Variants in SLC16A2 observed in about 807,000 individuals in gnomAD.
SLC16A2 encodes the protein solute carrier family 16 member 2.
A neutral mutation model predicts 27.2 loss-of-function variants in SLC16A2; 3 were observed. That is an observed-to-expected ratio of 0.11 (90% CI 0.05 to 0.28). SLC16A2 has a LOEUF of 0.28. SLC16A2 is among the 10% of genes least tolerant of loss of function. The pLI is 1.00. For missense variants in SLC16A2, 295 were observed against 458.5 expected, an observed-to-expected ratio of 0.64 and a Z score of 3.26; for synonymous variants, 202 against 187.8, an observed-to-expected ratio of 1.08 and a Z score of -0.62.
intron 1 of SLC16A2, among the ~76,000 whole-genome samples, chrX:74,510,031 C>T (rs772493610): frequency 8.9e-6 from 1 of 112,268 alleles, no homozygotes; most frequent in South Asian, 3.7e-4. Context: ...GAAGTGTTTC[C>T]TCCAATTTTT....
At chrX:74,487,965 TGTA>T (rs1929750896) in intron 1 of SLC16A2, among the ~76,000 whole-genome samples, 1 of 112,197 alleles carries the variant, frequency 8.9e-6, no homozygotes, top group Admixed American at 9.5e-5. Context: ...TATTTTAGCT[TGTA>T]GTAACCAAAA....
At chrX:74,510,884 G>A (rs1429877341) in intron 1 of SLC16A2, among the ~76,000 whole-genome samples, 4 of 102,992 alleles carry the variant, frequency 3.9e-5, no homozygotes, top group African/African-American at 1.5e-4. Context: ...AGATCCCATC[G>A]CTTCAAAAAC....
At chrX:74,428,583 TCAC>T (rs1928463540) in intron 1 of SLC16A2, among the ~76,000 whole-genome samples, 1 of 110,690 alleles carries the variant, frequency 9.0e-6, no homozygotes, top group Non-Finnish European at 1.9e-5. Context: ...CCTGCCAGAG[TCAC>T]AGGCCCACTC....
chrX:74,439,530 G>C (rs12008794), intron 1 of SLC16A2, among the ~76,000 whole-genome samples: 19,221 of 93,320 alleles, frequency 0.21, 2,521 homozygotes, highest in African/African-American at 0.43. Flanking sequence ...CAAACTCTTA[G>C]GCTCAAGTGA....
chrX:74,472,141 G>C (rs1293207214), intron 1 of SLC16A2, among the ~76,000 whole-genome samples: 1 of 111,332 alleles, frequency 9.0e-6, no homozygotes, highest in Non-Finnish European at 1.9e-5. Flanking sequence ...TGAACTTTAG[G>C]GGACAAATAT....
chrX:74,444,252 C>G (rs1928801996), intron 1 of SLC16A2, among the ~76,000 whole-genome samples: 1 of 112,145 alleles, frequency 8.9e-6, no homozygotes, highest in Non-Finnish European at 1.9e-5. Flanking sequence ...ATACTGCCTC[C>G]CTCTTCAATC....
chrX:74,428,066 G>C (rs1928447864), intron 1 of SLC16A2, among the ~76,000 whole-genome samples: 1 of 109,955 alleles, frequency 9.1e-6, no homozygotes, highest in Non-Finnish European at 1.9e-5. Flanking sequence ...CCCCAGCAGT[G>C]GGGCTGGGAA....
intron 1 of SLC16A2, among the ~76,000 whole-genome samples, chrX:74,513,417 T>C (rs1388878350): frequency 8.9e-6 from 1 of 111,813 alleles, no homozygotes; most frequent in Non-Finnish European, 1.9e-5. Flanking sequence ...CCAAGAATTG[T>C]TAGAATTCTA....
At chrX:74,477,454 T>G (rs184974112) in intron 1 of SLC16A2, among the ~76,000 whole-genome samples, 3 of 111,806 alleles carry the variant, frequency 2.7e-5, no homozygotes, top group Admixed American at 9.5e-5. Context: ...TTGATTTTTT[T>G]AAGGGGTTTT....
At chrX:74,530,169 C>T (rs963088596) in intron 5 of SLC16A2, among the ~76,000 whole-genome samples, 18 of 102,388 alleles carry the variant, frequency 1.8e-4, no homozygotes, top group African/African-American at 6.2e-4. Flanking sequence ...TTGGCTATCT[C>T]AGCTCATTGC....
intron 1 of SLC16A2, among the ~76,000 whole-genome samples, chrX:74,481,304 G>A (rs1474228630): frequency 8.9e-6 from 1 of 111,795 alleles, no homozygotes; most frequent in Non-Finnish European, 1.9e-5. Flanking sequence ...TAAATATTCG[G>A]TAAAATTCAC....
At chrX:74,508,304 G>A (rs1232990094) in intron 1 of SLC16A2, among the ~76,000 whole-genome samples, 1 of 111,877 alleles carries the variant, frequency 8.9e-6, no homozygotes, top group Non-Finnish European at 1.9e-5. Flanking sequence ...AGAACAATTG[G>A]AGAGAATTGA....
chrX:74,468,244 A>T (rs1929289098), intron 1 of SLC16A2, among the ~76,000 whole-genome samples: 1 of 111,604 alleles, frequency 9.0e-6, no homozygotes, highest in African/African-American at 3.3e-5. Flanking sequence ...TGTACGCTTT[A>T]GGCATCCCTA....
In SLC16A2 at chrX:74,421,507, C is replaced by A; in HGVS notation, c.-131C>A. Reference sequence around the variant, plus strand: ...CGGGACGGGCTGGCCAGCTGGGGCGCGGAGCCTGGAGGAGGAGGCAGCGGC... The same window carrying A: ...CGGGACGGGCTGGCCAGCTGGGGCGAGGAGCCTGGAGGAGGAGGCAGCGGC... On this transcript the variant is annotated 5_prime_UTR_variant, in exon 1 of 6. Coordinates refer to ENST00000587091, the MANE Select transcript of SLC16A2 (RefSeq NM_006517.5). 1 of 897,072 alleles carries A rather than the reference C, an allele frequency of 1.1e-6. No individual in the cohort carries two copies. Among genetic ancestry groups the A allele is most frequent in the Non-Finnish European group, 1.6e-6 (1 of 626,551 alleles). The allele number at this position is 897,072 out of a possible 1,213,427, so 73.9% of individuals were successfully genotyped here.
chrX:74,497,525 G>A (rs1321015901), intron 1 of SLC16A2, among the ~76,000 whole-genome samples: 1 of 108,855 alleles, frequency 9.2e-6, no homozygotes, highest in Non-Finnish European at 1.9e-5. Context: ...AAGTTTTGGG[G>A]TCGGTACCCC....
chrX:74,470,066 A>G (rs1301293585), intron 1 of SLC16A2, among the ~76,000 whole-genome samples: 1 of 111,405 alleles, frequency 9.0e-6, no homozygotes, highest in African/African-American at 3.3e-5. Flanking sequence ...TTGGAATCAC[A>G]CAGTATGGAG....
intron 1 of SLC16A2, among the ~76,000 whole-genome samples, chrX:74,484,366 G>T (rs1323329452): frequency 8.9e-6 from 1 of 112,224 alleles, no homozygotes; most frequent in Admixed American, 9.4e-5. Context: ...TAATTTCCTG[G>T]TTGACAATTG....
At chrX:74,429,310 A>G (rs149728037) in intron 1 of SLC16A2, among the ~76,000 whole-genome samples, 4,415 of 111,086 alleles carry the variant, frequency 0.04, 212 homozygotes, top group African/African-American at 0.13. Flanking sequence ...TCTACAAAAA[A>G]AATTTTTAAA....
At chrX:74,427,910 C>T (rs1928443872) in intron 1 of SLC16A2, among the ~76,000 whole-genome samples, 2 of 110,697 alleles carry the variant, frequency 1.8e-5, no homozygotes, top group African/African-American at 6.6e-5. Context: ...CCCATCTGTT[C>T]ATGGAATTAG....
Sources: allele counts gnomAD v4.1 joint callset (sites outside exome capture counted in the v4.1 genomes callset), GRCh38; gene constraint gnomAD v4.1.1; transcripts MANE v1.5; gene names NCBI Gene and HGNC (gene_info 2026-07-23, HGNC 2026-07-21).